Variants in LSAMP observed in about 807,000 individuals in gnomAD.
The protein encoded by LSAMP is limbic system-associated membrane protein.
In LSAMP, 7 loss-of-function variants were observed where a neutral mutation model predicts 38.6. The ratio of observed to expected loss-of-function variants is 0.18; its 90% CI spans 0.10 to 0.34. LSAMP has a LOEUF of 0.34. Among genes scored for constraint, LSAMP ranks in the 10% least tolerant of loss-of-function variants. LSAMP has a pLI of 1.00. For synonymous variants in LSAMP, 154 were observed against 166.8 expected, an observed-to-expected ratio of 0.92 and a Z score of 0.59; for missense variants, 313 against 420.0, an observed-to-expected ratio of 0.75 and a Z score of 2.23.
At chr3:116,370,934 G>A (rs187386771) in intron 1 of LSAMP, among the ~76,000 whole-genome samples, 1 of 152,220 alleles carries the variant, frequency 6.6e-6, no homozygotes, top group East Asian at 1.9e-4. Context: ...AAGATTATAA[G>A]AGAGTACTGA....
chr3:116,297,402 C>T (rs1466186121), intron 1 of LSAMP, among the ~76,000 whole-genome samples: 1 of 152,096 alleles, frequency 6.6e-6, no homozygotes, highest in Non-Finnish European at 1.5e-5. Flanking sequence ...TATGACATCA[C>T]CTTGTCTTCT....
chr3:116,300,410 T>C (rs1468722938), intron 1 of LSAMP, among the ~76,000 whole-genome samples: 1 of 152,114 alleles, frequency 6.6e-6, no homozygotes, highest in Non-Finnish European at 1.5e-5. Flanking sequence ...TTATTGACAA[T>C]GGGCCCGCTC....
chr3:115,843,223 A>G (rs747802147), intron 4 of LSAMP, among the ~76,000 whole-genome samples: 13 of 152,198 alleles, frequency 8.5e-5, no homozygotes, highest in Non-Finnish European at 1.5e-4. Flanking sequence ...TGGTGCATAG[A>G]AGACTTACTG....
chr3:116,442,687 T>G (rs9822445), intron 1 of LSAMP, among the ~76,000 whole-genome samples: 15 of 151,972 alleles, frequency 9.9e-5, no homozygotes, highest in Non-Finnish European at 2.2e-4. Flanking sequence ...AGGTGAGGTC[T>G]GGAAAAGAAA....
intron 1 of LSAMP, among the ~76,000 whole-genome samples, chr3:116,323,252 C>T (rs751965403): frequency 2.0e-5 from 3 of 152,104 alleles, no homozygotes; most frequent in Non-Finnish European, 4.4e-5. Flanking sequence ...ATTATTCTTC[C>T]TAGTTCCACC....
intron 3 of LSAMP, among the ~76,000 whole-genome samples, chr3:115,945,508 G>C (rs76227983): frequency 3.1e-3 from 473 of 152,160 alleles, no homozygotes; most frequent in African/African-American, 0.011. Context: ...AAATACCAAA[G>C]GTCACACAAC....
intron 1 of LSAMP, among the ~76,000 whole-genome samples, chr3:116,089,559 G>A (rs1576355890): frequency 6.6e-6 from 1 of 151,974 alleles, no homozygotes; most frequent in East Asian, 1.9e-4. Context: ...GGGTTTCAGC[G>A]TGTTAGCCAG....
intron 3 of LSAMP, among the ~76,000 whole-genome samples, chr3:115,875,003 A>G (rs762625808): frequency 3.3e-5 from 5 of 152,102 alleles, no homozygotes; most frequent in Non-Finnish European, 7.4e-5. Context: ...ACACACATCA[A>G]TATTATCTCA....
At chr3:115,955,000 G>C (rs1320437172) in intron 3 of LSAMP, among the ~76,000 whole-genome samples, 3 of 151,580 alleles carry the variant, frequency 2.0e-5, no homozygotes, top group Non-Finnish European at 4.4e-5. Context: ...TGTCACCCAG[G>C]CTGGAGTGCA....
chr3:116,425,586 T>C (rs1559863703), intron 1 of LSAMP, among the ~76,000 whole-genome samples: 1 of 152,148 alleles, frequency 6.6e-6, no homozygotes, highest in Non-Finnish European at 1.5e-5. Flanking sequence ...TCAATAAAAA[T>C]ATTGATTGAA....
chr3:116,190,128 C>T (rs77933602), intron 1 of LSAMP, among the ~76,000 whole-genome samples: 321 of 146,382 alleles, frequency 2.2e-3, no homozygotes, highest in African/African-American at 6.9e-3. Flanking sequence ...CACACACACA[C>T]ATGCATTAAG....
intron 2 of LSAMP, among the ~76,000 whole-genome samples, chr3:116,080,579 A>G (rs1406070242): frequency 6.6e-6 from 1 of 152,230 alleles, no homozygotes; most frequent in African/African-American, 2.4e-5. Context: ...TGCATGAGGC[A>G]ATATTGCTAA....
chr3:116,392,822 G>C (rs145754355), intron 1 of LSAMP, among the ~76,000 whole-genome samples: 7 of 152,300 alleles, frequency 4.6e-5, no homozygotes, highest in Non-Finnish European at 8.8e-5. Flanking sequence ...AGAGGATAGA[G>C]AGACAATGGG....
At chr3:116,311,212 A>C (rs1024379751) in intron 1 of LSAMP, among the ~76,000 whole-genome samples, 3 of 152,162 alleles carry the variant, frequency 2.0e-5, no homozygotes, top group African/African-American at 7.2e-5. Flanking sequence ...CTCAATTCCC[A>C]TTCCTTCTCG....
intron 1 of LSAMP, among the ~76,000 whole-genome samples, chr3:116,134,198 A>C (rs1214064356): frequency 2.6e-5 from 4 of 152,206 alleles, no homozygotes; most frequent in Non-Finnish European, 4.4e-5. Flanking sequence ...TCTCTTTAAA[A>C]ATTCTCTTTG....
At chr3:116,248,257 C>T (rs559716824) in intron 1 of LSAMP, among the ~76,000 whole-genome samples, 18 of 152,138 alleles carry the variant, frequency 1.2e-4, no homozygotes, top group Non-Finnish European at 1.8e-4. Context: ...TAGAATCTTA[C>T]CTTTCAGGAC....
At chr3:116,036,714 G>A (rs1941055444) in intron 2 of LSAMP, among the ~76,000 whole-genome samples, 1 of 152,136 alleles carries the variant, frequency 6.6e-6, no homozygotes, top group Non-Finnish European at 1.5e-5. Context: ...TAATATAAGA[G>A]TATTATTGAA....
chr3:116,240,641 G>A (rs997098391), intron 1 of LSAMP, among the ~76,000 whole-genome samples: 1 of 152,148 alleles, frequency 6.6e-6, no homozygotes, highest in African/African-American at 2.4e-5. Context: ...AATTGTAGAA[G>A]TTGCATCAAG....
At chr3:116,435,322 T>G (rs1259797277) in intron 1 of LSAMP, among the ~76,000 whole-genome samples, 1 of 152,156 alleles carries the variant, frequency 6.6e-6, no homozygotes. Flanking sequence ...TCAGCTCTTG[T>G]CCCAAGGACT....
Sources: gnomAD v4.1 joint callset for allele counts (sites outside exome capture counted in the v4.1 genomes callset) on GRCh38, gnomAD v4.1.1 for gene constraint, MANE v1.5 for transcripts, NCBI Gene and HGNC (gene_info 2026-07-23, HGNC 2026-07-21) for gene names.